The following COL19A1 variants were observed in gnomAD, a reference collection of about 807,000 sequenced individuals.
COL19A1 encodes collagen type XIX alpha 1 chain.
COL19A1 carries 159 observed loss-of-function variants against 190.2 expected under a neutral mutation model. That is an observed-to-expected ratio of 0.84 (90% CI 0.73 to 0.95). The LOEUF (loss-of-function observed/expected upper bound fraction) is 0.95. Among genes scored for constraint, COL19A1 ranks in the 40% least tolerant of loss-of-function variants. COL19A1 has a pLI of 0.00. For synonymous variants in COL19A1, 509 were observed against 458.9 expected, an observed-to-expected ratio of 1.11 and a Z score of -1.39; for missense variants, 1,418 against 1,431.9, an observed-to-expected ratio of 0.99 and a Z score of 0.16.
intron 27 of COL19A1, among the ~76,000 whole-genome samples, chr6:70,147,842 A>T (rs1461299511): frequency 6.6e-6 from 1 of 152,148 alleles, no homozygotes; most frequent in East Asian, 1.9e-4. Flanking sequence ...CTGTCCAACC[A>T]GCTATAAACT....
intron 14 of COL19A1, among the ~76,000 whole-genome samples, chr6:70,052,481 C>A (rs946269615): frequency 1.3e-5 from 2 of 152,168 alleles, no homozygotes; most frequent in East Asian, 1.9e-4. Flanking sequence ...CTAACTATAC[C>A]GCTGACTCAT....
intron 4 of COL19A1, among the ~76,000 whole-genome samples, chr6:69,912,804 G>A (rs1035668765): frequency 3.9e-5 from 6 of 152,240 alleles, no homozygotes; most frequent in Admixed American, 3.9e-4. Flanking sequence ...AAAGCCAGTA[G>A]AGGCCAGGCA....
chr6:70,023,733 T>C (rs901185675), intron 12 of COL19A1, 53 bp downstream of exon 12: 50 of 1,471,758 alleles, frequency 3.4e-5, no homozygotes, highest in Non-Finnish European at 4.4e-5. Context: ...CACTAAGATA[T>C]GCTATTTAAT....
chr6:69,909,881 A>G (rs921584452), intron 4 of COL19A1, among the ~76,000 whole-genome samples: 2 of 151,988 alleles, frequency 1.3e-5, no homozygotes, highest in African/African-American at 4.8e-5. Flanking sequence ...TTTTCTTTAG[A>G]CTCCATTGCT....
chr6:70,047,327 G>A (rs184878369), intron 14 of COL19A1, among the ~76,000 whole-genome samples: 8 of 152,062 alleles, frequency 5.3e-5, no homozygotes, highest in African/African-American at 1.2e-4. Context: ...GCAGATATAC[G>A]TGAGCTAAAA....
At chr6:69,931,890 C>G (rs944323005) in intron 6 of COL19A1, among the ~76,000 whole-genome samples, 11 of 152,034 alleles carry the variant, frequency 7.2e-5, no homozygotes, top group African/African-American at 2.2e-4. Context: ...TAGAGATTCA[C>G]CTCTAATCAC....
At position 70,210,275 on chromosome 6, in the gene COL19A1, T is replaced by C. The variant is rs1039058087; in HGVS notation, c.*3001T>C. ...AAGTCTTTCTATGCAAAGATTAAAG[T>C]ATGACTTCAATTCATATTTATGGCC... On this transcript the variant is annotated 3_prime_UTR_variant, in exon 51 of 51. Coordinates refer to ENST00000620364, the MANE Select transcript of COL19A1 (RefSeq NM_001858.6). Among the ~76,000 whole-genome samples, 2 of 152,152 alleles carry C rather than the reference T, an allele frequency of 1.3e-5. No homozygotes were observed. The highest frequency in any genetic ancestry group is 2.9e-5 in the Non-Finnish European group (2 of 68,004).
At chr6:69,872,613 C>G (rs1455984297) in intron 1 of COL19A1, among the ~76,000 whole-genome samples, 1 of 152,200 alleles carries the variant, frequency 6.6e-6, no homozygotes, top group Non-Finnish European at 1.5e-5. Context: ...TTAAAATTCA[C>G]TTACCCAGCT....
At chr6:69,881,880 A>G (rs1768580535) in intron 2 of COL19A1, among the ~76,000 whole-genome samples, 2 of 151,986 alleles carry the variant, frequency 1.3e-5, no homozygotes. Flanking sequence ...GGATTGTTGA[A>G]GAAGATGACA....
chr6:70,168,346 A>C (rs1765293920), intron 39 of COL19A1, 131 bp downstream of exon 39: 1 of 900,104 alleles, frequency 1.1e-6, no homozygotes, highest in East Asian at 2.5e-5. Context: ...GCAGAAGGAA[A>C]TAAGTAAAAC....
intron 2 of COL19A1, among the ~76,000 whole-genome samples, chr6:69,884,435 G>A (rs534396476): frequency 6.6e-6 from 1 of 152,204 alleles, no homozygotes; most frequent in Admixed American, 6.5e-5. Flanking sequence ...CAATACAATA[G>A]GAGGTCAAAC....
chr6:69,959,632 C>T (rs1208583303), intron 9 of COL19A1, among the ~76,000 whole-genome samples: 4 of 152,036 alleles, frequency 2.6e-5, no homozygotes, highest in Admixed American at 1.3e-4. Context: ...ATAGAAAGCA[C>T]GATGTCAGAC....
chr6:70,111,037 T>A (rs1040735882), intron 16 of COL19A1, among the ~76,000 whole-genome samples: 1 of 152,190 alleles, frequency 6.6e-6, no homozygotes, highest in Non-Finnish European at 1.5e-5. Context: ...CCAGTCAGAT[T>A]TATTAGAACC....
intron 11 of COL19A1, among the ~76,000 whole-genome samples, chr6:70,007,917 A>C (rs1321078659): frequency 6.6e-6 from 1 of 151,994 alleles, no homozygotes; most frequent in Admixed American, 6.5e-5. Context: ...AATATTAGAA[A>C]AAATCTCTAT....
intron 11 of COL19A1, among the ~76,000 whole-genome samples, chr6:69,981,694 T>C (rs1403009838): frequency 6.6e-6 from 1 of 151,888 alleles, no homozygotes; most frequent in Non-Finnish European, 1.5e-5. Context: ...AAATTTTGTA[T>C]GTGTTTTATA....
intron 14 of COL19A1, among the ~76,000 whole-genome samples, chr6:70,037,791 G>A (rs1287358181): frequency 6.6e-6 from 1 of 152,138 alleles, no homozygotes; most frequent in African/African-American, 2.4e-5. Flanking sequence ...ATAGCAGCTA[G>A]CTTCTTTCTG....
At chr6:69,892,428 C>A (rs1938416071) in intron 2 of COL19A1, among the ~76,000 whole-genome samples, 1 of 152,138 alleles carries the variant, frequency 6.6e-6, no homozygotes, top group Non-Finnish European at 1.5e-5. Flanking sequence ...TCTCTCCAGT[C>A]CTCATTTTTA....
chr6:70,165,407 G>T (rs555138887), intron 36 of COL19A1, among the ~76,000 whole-genome samples: 4 of 152,136 alleles, frequency 2.6e-5, no homozygotes, highest in Non-Finnish European at 4.4e-5. Context: ...GTCTGACTTG[G>T]GTGTAAAGTC....
intron 49 of COL19A1, among the ~76,000 whole-genome samples, chr6:70,202,278 G>A (rs936836695): frequency 3.3e-5 from 5 of 152,160 alleles, no homozygotes; most frequent in African/African-American, 4.8e-5. Context: ...TTCAGTGTTT[G>A]TCAGGAAAGA....
Sources: allele counts gnomAD v4.1 joint callset (sites outside exome capture counted in the v4.1 genomes callset), GRCh38; gene constraint gnomAD v4.1.1; transcripts MANE v1.5; gene names NCBI Gene and HGNC (gene_info 2026-07-23, HGNC 2026-07-21).